GRIN2B: variants seen among roughly 807,000 people sequenced by gnomAD.
GRIN2B encodes the protein glutamate ionotropic receptor NMDA type subunit 2B, also known as glutamate receptor ionotropic, NMDA 2B.
GRIN2B carries 5 observed loss-of-function variants against 114.5 expected under a neutral mutation model. The observed-to-expected ratio is 0.04, with a 90% CI of 0.02 to 0.09. The LOEUF is 0.09. GRIN2B is among the 10% of genes least tolerant of loss of function. GRIN2B has a pLI of 1.00. For missense variants in GRIN2B, 1,108 were observed against 1,943.5 expected (o/e 0.57, Z 8.08); for synonymous variants, 787 against 745.1 (o/e 1.06, Z -0.92).
At chr12:13,830,586 C>A (rs929467643) in intron 3 of GRIN2B, among the ~76,000 whole-genome samples, 1 of 152,054 alleles carries the variant, frequency 6.6e-6, no homozygotes. Context: ...CAGAAGAAGG[C>A]CAAATGTATC....
intron 4 of GRIN2B, among the ~76,000 whole-genome samples, chr12:13,686,973 G>A (rs1271254954): frequency 6.6e-6 from 1 of 152,070 alleles, no homozygotes; most frequent in Non-Finnish European, 1.5e-5. Flanking sequence ...GTTAAAAAGA[G>A]TCTGGGTGCA....
chr12:13,795,965 G>C (rs1344847636), intron 3 of GRIN2B, among the ~76,000 whole-genome samples: 1 of 151,726 alleles, frequency 6.6e-6, no homozygotes, highest in African/African-American at 2.4e-5. Context: ...ATAACATTAG[G>C]AGAAAAACCT....
At chr12:13,582,577 C>A (rs531413510) in intron 10 of GRIN2B, among the ~76,000 whole-genome samples, 1 of 152,292 alleles carries the variant, frequency 6.6e-6, no homozygotes, top group Admixed American at 6.5e-5. Flanking sequence ...AAGAGACCTG[C>A]ACTTGGATGT....
chr12:13,581,940 T>TA (rs1377478632), intron 10 of GRIN2B, among the ~76,000 whole-genome samples: 1 of 150,124 alleles, frequency 6.7e-6, no homozygotes, highest in Non-Finnish European at 1.5e-5. Flanking sequence ...AATTTATTGA[T>TA]AAAACGTAAG....
chr12:13,908,693 T>A (rs1022752010), intron 2 of GRIN2B, among the ~76,000 whole-genome samples: 2 of 152,126 alleles, frequency 1.3e-5, no homozygotes, highest in Admixed American at 1.3e-4. Context: ...TTCAAATACA[T>A]GAAGGCAACT....
At chr12:13,847,219 T>A (rs1591764768) in intron 3 of GRIN2B, among the ~76,000 whole-genome samples, 1 of 152,188 alleles carries the variant, frequency 6.6e-6, no homozygotes. Flanking sequence ...AAAATTTATA[T>A]TATTATTCCT....
chr12:13,934,544 C>T (rs748373824), intron 2 of GRIN2B, among the ~76,000 whole-genome samples: 8 of 152,160 alleles, frequency 5.3e-5, no homozygotes, highest in African/African-American at 1.4e-4. Context: ...GGTCTGTGCC[C>T]GCTATTCCAC....
chr12:13,758,017 TG>T (rs1863609775), intron 3 of GRIN2B, among the ~76,000 whole-genome samples: 1 of 152,098 alleles, frequency 6.6e-6, no homozygotes, highest in African/African-American at 2.4e-5. Context: ...TCAACACCCT[TG>T]GGGACTGCCT....
intron 3 of GRIN2B, among the ~76,000 whole-genome samples, chr12:13,790,205 G>A (rs901201474): frequency 3.3e-5 from 5 of 152,064 alleles, no homozygotes; most frequent in Admixed American, 6.5e-5. Flanking sequence ...CTAAGCCTTC[G>A]GCCTGCAGGA....
At chr12:13,578,296 T>G (rs1161785462) in intron 10 of GRIN2B, among the ~76,000 whole-genome samples, 1 of 152,182 alleles carries the variant, frequency 6.6e-6, no homozygotes, top group African/African-American at 2.4e-5. Context: ...CAGTAGAAGT[T>G]GACAGAAGTA....
At chr12:13,573,409 C>A (rs544557231) in intron 10 of GRIN2B, among the ~76,000 whole-genome samples, 2 of 149,394 alleles carry the variant, frequency 1.3e-5, no homozygotes, top group South Asian at 4.2e-4. Context: ...TGAGATCATG[C>A]CATTGCACTC....
chr12:13,729,807 A>T (rs1043161028), intron 4 of GRIN2B, among the ~76,000 whole-genome samples: 1 of 114,534 alleles, frequency 8.7e-6, no homozygotes, highest in African/African-American at 3.3e-5. Context: ...CGAGACAAAG[A>T]GGAAGCCATA....
At chr12:13,642,847 C>T (rs768331704) in intron 5 of GRIN2B, among the ~76,000 whole-genome samples, 14 of 152,264 alleles carry the variant, frequency 9.2e-5, no homozygotes, top group Middle Eastern at 3.4e-3. Context: ...TGCTCAGGGC[C>T]ATGGAGCTGG....
chr12:13,810,829 C>A (rs1426020702), intron 3 of GRIN2B, among the ~76,000 whole-genome samples: 3 of 152,212 alleles, frequency 2.0e-5, no homozygotes. Context: ...TCAACACTTT[C>A]AAATCTTGGG....
At position 13,565,733 on chromosome 12, in the gene GRIN2B, G is replaced by A. The variant is rs200639948; in HGVS notation, c.2599-1094C>T. On this transcript the variant is annotated intron_variant, in intron 13 of 13. Coordinates refer to ENST00000609686, the MANE Select transcript of GRIN2B (RefSeq NM_000834.5). ...TAATTTGGAAAGGGAAGTTGTCTCC[G>A]TGGATGGGAATGAGAGGGGAGAGGG... Among the ~76,000 whole-genome samples the A allele has an allele frequency of 1.2e-4, 19 of 152,168 alleles. 1 individual carries two copies. The highest frequency in any genetic ancestry group is 2.4e-4 in the African/African-American group (10 of 41,440).
chr12:13,736,461 T>TTCCCAG (rs1219083336), intron 4 of GRIN2B, among the ~76,000 whole-genome samples: 3 of 151,136 alleles, frequency 2.0e-5, no homozygotes, highest in Non-Finnish European at 2.9e-5. Flanking sequence ...CCCACTAAAA[T>TTCCCAG]GTCCAGGTCT....
intron 4 of GRIN2B, among the ~76,000 whole-genome samples, chr12:13,701,053 C>T (rs929129634): frequency 6.6e-6 from 1 of 152,106 alleles, no homozygotes; most frequent in Admixed American, 6.5e-5. Context: ...AACGAGGCAC[C>T]TACTTCACAA....
intron 3 of GRIN2B, among the ~76,000 whole-genome samples, chr12:13,820,451 A>G (rs1864912664): frequency 6.6e-6 from 1 of 152,236 alleles, no homozygotes. Flanking sequence ...AACAGTGAGT[A>G]AAACACTGAA....
chr12:13,770,307 C>G (rs770079875), intron 3 of GRIN2B, among the ~76,000 whole-genome samples: 5 of 152,162 alleles, frequency 3.3e-5, no homozygotes, highest in Non-Finnish European at 7.3e-5. Flanking sequence ...AATGAAGTGT[C>G]CATGATCACT....
Sources: gnomAD v4.1 joint callset for allele counts (sites outside exome capture counted in the v4.1 genomes callset) on GRCh38, gnomAD v4.1.1 for gene constraint, MANE v1.5 for transcripts, NCBI Gene and HGNC (gene_info 2026-07-23, HGNC 2026-07-21) for gene names.